The following KHDRBS2 variants were observed in gnomAD, a reference collection of about 807,000 sequenced individuals.
The protein encoded by KHDRBS2 is KH RNA binding domain containing, signal transduction associated 2, also known as KH domain-containing, RNA-binding, signal transduction-associated protein 2.
A neutral mutation model predicts 44.3 loss-of-function variants in KHDRBS2; 26 were observed. That is an observed-to-expected ratio of 0.59 (90% CI 0.43 to 0.81). The LOEUF is 0.81. Among genes scored for constraint, KHDRBS2 ranks in the 40% least tolerant of loss-of-function variants. The probability of loss-of-function intolerance (pLI) is 0.00; values close to 1 mark genes in which losing one functional copy is unlikely to be tolerated. For missense variants in KHDRBS2, 476 were observed against 433.1 expected (o/e 1.10, Z -0.88); for synonymous variants, 194 against 151.1 (o/e 1.28, Z -2.08).
the KHDRBS2 span, among the ~76,000 whole-genome samples, chr6:61,546,506 T>A: frequency 6.6e-6 from 1 of 152,082 alleles, no homozygotes; most frequent in South Asian, 2.1e-4. Flanking sequence ...AAGAGTTAAG[T>A]TTCTATGGCA....
At chr6:61,596,078 G>GTCA in the KHDRBS2 span, among the ~76,000 whole-genome samples, 20 of 152,076 alleles carry the variant, frequency 1.3e-4, no homozygotes, top group Admixed American at 6.5e-5. Flanking sequence ...GATGGCAGCT[G>GTCA]GTGACCCAGG....
At chr6:61,554,071 C>T in the KHDRBS2 span, among the ~76,000 whole-genome samples, 15 of 152,096 alleles carry the variant, frequency 9.9e-5, no homozygotes, top group African/African-American at 3.1e-4. Flanking sequence ...CTTTCTGCCT[C>T]AATGATCGTC....
At chr6:62,034,218 C>T (rs1451802742) in intron 3 of KHDRBS2, among the ~76,000 whole-genome samples, 4 of 151,770 alleles carry the variant, frequency 2.6e-5, no homozygotes, top group East Asian at 1.9e-4. Flanking sequence ...GACCAGAACC[C>T]GATGGCTTTT....
intron 8 of KHDRBS2, among the ~76,000 whole-genome samples, chr6:61,686,307 G>C (rs1766807747): frequency 6.6e-6 from 1 of 151,652 alleles, no homozygotes; most frequent in Non-Finnish European, 1.5e-5. Context: ...TTTTTGCTTT[G>C]CAAATCATAT....
chr6:61,612,661 A>ACATATATTATTT, the KHDRBS2 span, among the ~76,000 whole-genome samples: 2 of 152,176 alleles, frequency 1.3e-5, no homozygotes, highest in Non-Finnish European at 1.5e-5. Flanking sequence ...CAAGCACTTT[A>ACATATATTATTT]CATATATTAT....
At chr6:61,717,346 A>C (rs1771616097) in intron 7 of KHDRBS2, among the ~76,000 whole-genome samples, 1 of 152,046 alleles carries the variant, frequency 6.6e-6, no homozygotes, top group Non-Finnish European at 1.5e-5. Flanking sequence ...AAGAACTAAA[A>C]AAGAGAGAGA....
intron 1 of KHDRBS2, among the ~76,000 whole-genome samples, chr6:62,245,852 T>A (rs1208273597): frequency 6.6e-6 from 1 of 151,878 alleles, no homozygotes; most frequent in Admixed American, 6.6e-5. Context: ...CTCTAGGGAA[T>A]AGAGCAGTTT....
At chr6:61,542,970 G>A in the KHDRBS2 span, among the ~76,000 whole-genome samples, 7 of 151,890 alleles carry the variant, frequency 4.6e-5, no homozygotes, top group Non-Finnish European at 1.0e-4. Context: ...AAGCTGATTA[G>A]GATAGAACAT....
At chr6:61,721,959 A>G (rs1020420623) in intron 7 of KHDRBS2, among the ~76,000 whole-genome samples, 6 of 148,520 alleles carry the variant, frequency 4.0e-5, no homozygotes, top group African/African-American at 1.5e-4. Context: ...TCCAATCAAT[A>G]CCTAATTTAT....
chr6:61,550,872 A>G, the KHDRBS2 span, among the ~76,000 whole-genome samples: 1 of 148,318 alleles, frequency 6.7e-6, no homozygotes, highest in Non-Finnish European at 1.5e-5. Context: ...TCCTGGGTTC[A>G]AGTGATTCTC....
the KHDRBS2 span, among the ~76,000 whole-genome samples, chr6:61,654,384 G>C: frequency 1.3e-5 from 2 of 151,804 alleles, no homozygotes; most frequent in African/African-American, 2.4e-5. Flanking sequence ...TAGAGGAGGA[G>C]AGCTGTAAAG....
chr6:61,695,453 A>G (rs937991267), intron 8 of KHDRBS2, among the ~76,000 whole-genome samples: 9 of 152,152 alleles, frequency 5.9e-5, no homozygotes, highest in Non-Finnish European at 1.2e-4. Flanking sequence ...AAATAGATAG[A>G]TGTATAATTT....
At chr6:62,034,574 G>A (rs1223765366) in intron 3 of KHDRBS2, among the ~76,000 whole-genome samples, 1 of 150,684 alleles carries the variant, frequency 6.6e-6, no homozygotes, top group African/African-American at 2.4e-5. Context: ...TGCTGAAAAT[G>A]CATTTGATAA....
chr6:62,104,719 G>T (rs184287329), intron 2 of KHDRBS2, among the ~76,000 whole-genome samples: 4 of 151,402 alleles, frequency 2.6e-5, no homozygotes, highest in Non-Finnish European at 5.9e-5. Context: ...ATGACCTCAG[G>T]TTACAAATTA....
chr6:61,654,125 T>G, the KHDRBS2 span, among the ~76,000 whole-genome samples: 2 of 152,012 alleles, frequency 1.3e-5, no homozygotes, highest in Non-Finnish European at 2.9e-5. Context: ...TATTCTCATA[T>G]GTGGAAATAG....
At chr6:61,597,898 T>C in the KHDRBS2 span, among the ~76,000 whole-genome samples, 1 of 136,004 alleles carries the variant, frequency 7.4e-6, no homozygotes. Context: ...AAGGAAAACA[T>C]AGAGGTTTTT....
the KHDRBS2 span, among the ~76,000 whole-genome samples, chr6:61,590,733 G>C: frequency 1.3e-5 from 2 of 151,948 alleles, no homozygotes; most frequent in Non-Finnish European, 2.9e-5. Flanking sequence ...TATGATGAGG[G>C]GACTGAGCTA....
chr6:61,902,999 A>T (rs1562406893), intron 4 of KHDRBS2, among the ~76,000 whole-genome samples: 1 of 152,190 alleles, frequency 6.6e-6, no homozygotes, highest in Non-Finnish European at 1.5e-5. Flanking sequence ...TCAGCACCTG[A>T]TTATAGTGAT....
At chr6:62,090,324 C>T (rs1472384112) in intron 2 of KHDRBS2, among the ~76,000 whole-genome samples, 1 of 152,072 alleles carries the variant, frequency 6.6e-6, no homozygotes, top group African/African-American at 2.4e-5. Context: ...ATAGTTGCCT[C>T]TAAAGACAGA....
Sources: gnomAD v4.1 joint callset for allele counts (sites outside exome capture counted in the v4.1 genomes callset) on GRCh38, gnomAD v4.1.1 for gene constraint, MANE v1.5 for transcripts, NCBI Gene and HGNC (gene_info 2026-07-23, HGNC 2026-07-21) for gene names.